Variants in PTH2R observed in about 807,000 individuals in gnomAD.
PTH2R encodes the protein parathyroid hormone 2 receptor.
PTH2R carries 59 observed loss-of-function variants against 60.3 expected under a neutral mutation model. That is an observed-to-expected ratio of 0.98 (90% confidence interval 0.79 to 1.22). The LOEUF (loss-of-function observed/expected upper bound fraction) is 1.22. Ranked by LOEUF, PTH2R falls within the 50% of genes most tolerant of loss-of-function variation. The pLI is 0.00. For missense variants in PTH2R, 749 were observed against 682.6 expected (o/e 1.10, Z -1.08); for synonymous variants, 256 against 243.8 (o/e 1.05, Z -0.47).
chr2:208,477,458 T>G (rs182206842), intron 9 of PTH2R, among the ~76,000 whole-genome samples: 508 of 152,234 alleles, frequency 3.3e-3, no homozygotes, highest in Admixed American at 6.2e-3. Flanking sequence ...GAACAAATCT[T>G]TACTTTTATT....
chr2:208,383,389 C>T (rs576935079), intron 1 of PTH2R, among the ~76,000 whole-genome samples: 5 of 152,212 alleles, frequency 3.3e-5, no homozygotes, highest in South Asian at 4.1e-4. Flanking sequence ...GTGGCATATA[C>T]GGCCAACTGA....
chr2:208,450,569 A>C (rs1004326598), intron 7 of PTH2R, among the ~76,000 whole-genome samples, 180 bp from the exon 8 acceptor site: 1 of 152,296 alleles, frequency 6.6e-6, no homozygotes, highest in Admixed American at 6.5e-5. Context: ...ATTCTTGCTA[A>C]TTTCTCAAAC....
Position 208,493,479 on chromosome 2 carries a change from T to C in PTH2R, c.1473T>C (p.Thr491=), listed in dbSNP as rs752882562. 6.2e-7 allele frequency: 1 copy of C among 1,612,534 alleles called. No homozygotes were observed. Among genetic ancestry groups the C allele is most frequent in the South Asian group, 1.1e-5 (1 of 90,810 alleles). The part of the protein sequence containing the change: ...IASRQPDSHI[T]LPGYVWSNSE... ...GCAGACAGCCTGACAGCCACATCAC[T>C]TTACCTGGCTATGTCTGGAGTAACT... is the stretch of plus-strand genomic sequence containing the variant. The change falls in exon 13 of 13, where the codon ACT becomes ACC. Residue 491 remains threonine (T), a synonymous_variant. Coordinates refer to ENST00000272847, the MANE Select transcript of PTH2R (RefSeq NM_005048.4).
chr2:208,456,929 A>G (rs1702527178), intron 8 of PTH2R, among the ~76,000 whole-genome samples: 1 of 152,234 alleles, frequency 6.6e-6, no homozygotes, highest in South Asian at 2.1e-4. Context: ...GAAAACCATC[A>G]AAGACAAGTT....
chr2:208,444,454 C>T (rs1702247751), intron 6 of PTH2R, among the ~76,000 whole-genome samples: 2 of 151,822 alleles, frequency 1.3e-5, no homozygotes, highest in African/African-American at 2.4e-5. Flanking sequence ...CTGTGATGGT[C>T]GTGTATTATT....
intron 1 of PTH2R, among the ~76,000 whole-genome samples, chr2:208,369,051 A>G (rs1181193323): frequency 6.6e-6 from 1 of 152,136 alleles, no homozygotes; most frequent in Non-Finnish European, 1.5e-5. Context: ...AGGAAAAAGT[A>G]GTGGGATATG....
At chr2:208,434,641 C>T (rs77611081) in intron 2 of PTH2R, among the ~76,000 whole-genome samples, 3,013 of 151,772 alleles carry the variant, frequency 0.02, 92 homozygotes, top group African/African-American at 0.068. Flanking sequence ...ATCTAATTAC[C>T]GAGAAATAAG....
At chr2:208,395,997 A>T (rs1203050227) in intron 1 of PTH2R, among the ~76,000 whole-genome samples, 1 of 152,210 alleles carries the variant, frequency 6.6e-6, no homozygotes, top group South Asian at 2.1e-4. Flanking sequence ...AGGCCTCAGA[A>T]ATAACACCAC....
Position 208,444,724 on chromosome 2 carries a change from T to C in PTH2R, c.700-10T>C. On this transcript the variant is annotated splice_polypyrimidine_tract_variant and intron_variant, in intron 6 of 12. Coordinates refer to ENST00000272847, the MANE Select transcript of PTH2R (RefSeq NM_005048.4). ...TCTAATATGATGAAATTCTGGTTTA[T>C]TTGTAATAGATCGGGTGCAAGATTG... 1.9e-6 allele frequency: 3 copies of C among 1,611,908 alleles called. No individual in the cohort carries two copies. The highest frequency in any genetic ancestry group is 1.7e-6 in the Non-Finnish European group (2 of 1,179,004).
At chr2:208,405,410 T>G (rs1701384446), upstream of PTH2R, among the ~76,000 whole-genome samples, 1 of 152,164 alleles carries the variant, frequency 6.6e-6, no homozygotes, top group African/African-American at 2.4e-5. Flanking sequence ...GATCAAGATA[T>G]TATAAATTAG....
rs150030858 is a variant in PTH2R at position 208,395,823 on chromosome 2, A to G, written c.-258-32378A>G. Among the ~76,000 whole-genome samples, 1,293 of 152,308 alleles carry G rather than the reference A, an allele frequency of 8.5e-3. 19 individuals are homozygous for G. The highest frequency in any genetic ancestry group is 0.029 in the African/African-American group (1,211 of 41,560). On this transcript the variant is annotated intron_variant, in intron 1 of 12. Transcript: ENST00000617735. ...TGGAAAAAACTACTTTAAAGTTCAT[A>G]TGGAACCAAAAAAGAGCCCATATAG...
intron 9 of PTH2R, among the ~76,000 whole-genome samples, chr2:208,474,062 G>A (rs996671722): frequency 2.6e-5 from 4 of 152,116 alleles, no homozygotes; most frequent in African/African-American, 9.7e-5. Flanking sequence ...TATAGGGTTG[G>A]TAGTTGTGTG....
chr2:208,455,394 C>T (rs1702489867), intron 8 of PTH2R, among the ~76,000 whole-genome samples: 1 of 152,178 alleles, frequency 6.6e-6, no homozygotes, highest in Non-Finnish European at 1.5e-5. Flanking sequence ...GACACATTCT[C>T]AAAGCTTACC....
intron 1 of PTH2R, among the ~76,000 whole-genome samples, chr2:208,416,964 T>TTA (rs900255054): frequency 4.6e-5 from 7 of 152,214 alleles, no homozygotes; most frequent in African/African-American, 7.2e-5. Flanking sequence ...AAACTCCCCT[T>TTA]TATATATATA....
intron 1 of PTH2R, among the ~76,000 whole-genome samples, chr2:208,391,227 C>G (rs185661729): frequency 6.6e-6 from 1 of 152,188 alleles, no homozygotes; most frequent in South Asian, 2.1e-4. Context: ...CTAGCTTAGA[C>G]GTTTCTCGAT....
At chr2:208,442,863 T>C (rs1702214468) in intron 5 of PTH2R, among the ~76,000 whole-genome samples, 1 of 152,216 alleles carries the variant, frequency 6.6e-6, no homozygotes, top group African/African-American at 2.4e-5. Context: ...TTTTATCCAC[T>C]TTAACATGTG....
intron 1 of PTH2R, among the ~76,000 whole-genome samples, chr2:208,368,102 T>A (rs1239792957): frequency 6.6e-6 from 1 of 152,188 alleles, no homozygotes; most frequent in Admixed American, 6.5e-5. Flanking sequence ...TGTCTAACCT[T>A]TATATGCTGT....
chr2:208,430,524 A>T (rs1701948537), intron 2 of PTH2R, among the ~76,000 whole-genome samples: 1 of 143,042 alleles, frequency 7.0e-6, no homozygotes, highest in Admixed American at 6.9e-5. Flanking sequence ...TTTGTTGGTG[A>T]TTAGCTTTTT....
At chr2:208,425,674 C>A (rs1374992569) in intron 1 of PTH2R, among the ~76,000 whole-genome samples, 1 of 152,190 alleles carries the variant, frequency 6.6e-6, no homozygotes, top group Admixed American at 6.5e-5. Flanking sequence ...GAGCCAGAAA[C>A]CCTCCCAGGC....
Sources: gnomAD v4.1 joint callset for allele counts (sites outside exome capture counted in the v4.1 genomes callset) on GRCh38, gnomAD v4.1.1 for gene constraint, MANE v1.5 for transcripts, NCBI Gene and HGNC (gene_info 2026-07-23, HGNC 2026-07-21) for gene names.